Variants in CYTH1 observed in about 807,000 individuals in gnomAD.
The protein encoded by CYTH1 is cytohesin 1.
A neutral mutation model predicts 61.8 loss-of-function variants in CYTH1; 18 were observed. That is an observed-to-expected ratio of 0.29 (90% CI 0.20 to 0.43). CYTH1 has a LOEUF of 0.43. Among genes scored for constraint, CYTH1 ranks in the 20% least tolerant of loss-of-function variants. The pLI is 1.00. For synonymous variants in CYTH1, 174 were observed against 184.3 expected (o/e 0.94, Z 0.45); for missense variants, 336 against 510.5 (o/e 0.66, Z 3.29).
intron 1 of CYTH1, chr17:78,724,035 C>G (rs1598884340): frequency 6.6e-6 from 1 of 152,390 alleles, no homozygotes; most frequent in Middle Eastern, 3.4e-3. Flanking sequence ...TCAGTACACT[C>G]GCAGCCACCA....
intron 1 of CYTH1, among the ~76,000 whole-genome samples, chr17:78,773,953 A>C (rs986902211): frequency 1.3e-5 from 2 of 152,234 alleles, no homozygotes; most frequent in African/African-American, 4.8e-5. Flanking sequence ...GCCAGTTCAT[A>C]ATACACAAAT....
intron 1 of CYTH1, among the ~76,000 whole-genome samples, chr17:78,714,642 G>T (rs148802963): frequency 2.6e-5 from 4 of 152,164 alleles, no homozygotes; most frequent in African/African-American, 4.8e-5. Context: ...TGTAGACAGC[G>T]GACACCTAAG....
intron 1 of CYTH1, among the ~76,000 whole-genome samples, chr17:78,778,515 G>A (rs935635356): frequency 9.2e-5 from 14 of 151,354 alleles, no homozygotes; most frequent in African/African-American, 3.4e-4. Context: ...GCAGGTGCCT[G>A]TAATCCCAGC....
At chr17:78,760,931 G>T (rs2093426225) in intron 1 of CYTH1, among the ~76,000 whole-genome samples, 1 of 151,998 alleles carries the variant, frequency 6.6e-6, no homozygotes, top group African/African-American at 2.4e-5. Flanking sequence ...CACCTCCCGG[G>T]TTCAAGTGAT....
At chr17:78,692,560 C>G (rs2092899248) in intron 10 of CYTH1, 67 bp from the exon 11 acceptor site, 21 of 1,456,068 alleles carry the variant, frequency 1.4e-5, no homozygotes, top group South Asian at 3.4e-5. Context: ...CCACGACACA[C>G]ACGACACCCT....
chr17:78,698,728 A>C, intron 8 of CYTH1, 92 bp downstream of exon 8: 1 of 1,387,596 alleles, frequency 7.2e-7, no homozygotes, highest in Non-Finnish European at 9.6e-7. Context: ...CCCTTGATAA[A>C]TTGTATGTTT....
intron 1 of CYTH1, among the ~76,000 whole-genome samples, chr17:78,738,033 A>T (rs2093328152): frequency 6.6e-6 from 1 of 152,116 alleles, no homozygotes; most frequent in African/African-American, 2.4e-5. Context: ...ATATTGTAAG[A>T]CTTCTAAGTG....
chr17:78,735,454 A>G (rs1021604217), intron 1 of CYTH1, among the ~76,000 whole-genome samples: 10 of 152,172 alleles, frequency 6.6e-5, no homozygotes, highest in Admixed American at 6.5e-4. Context: ...GTGTGGACTC[A>G]CCTTTCAGTT....
At chr17:78,679,222 T>C (rs1393224989) in intron 13 of CYTH1, among the ~76,000 whole-genome samples, 4 of 152,218 alleles carry the variant, frequency 2.6e-5, no homozygotes, top group Non-Finnish European at 5.9e-5. Context: ...CAGTCACCTG[T>C]GGGCACATTC....
intron 13 of CYTH1, 57 bp downstream of exon 13, chr17:78,680,133 C>G (rs940707643): frequency 3.1e-6 from 5 of 1,598,998 alleles, no homozygotes; most frequent in Middle Eastern, 1.7e-4. Context: ...ATGATCAACA[C>G]CTGGTGAGGT....
intron 1 of CYTH1, among the ~76,000 whole-genome samples, chr17:78,749,526 G>A (rs2093371590): frequency 1.3e-5 from 2 of 152,076 alleles, no homozygotes; most frequent in South Asian, 4.2e-4. Context: ...AGCTACTCAG[G>A]AGATTGAGGT....
rs956439186 is a variant in CYTH1, at chr17:78,676,770, G to C, written c.1119-601C>G. On this transcript the variant is annotated intron_variant, in intron 13 of 13. Coordinates refer to ENST00000446868, the MANE Select transcript of CYTH1 (RefSeq NM_004762.6). ...GCACAGGGAGGGGGCCCGAGCTCAT[G>C]CTTGTGCTACAGCCTCAAAGACAGC... 21 of 350,054 alleles carry C rather than the reference G, an allele frequency of 6.0e-5. No individual in the cohort carries two copies. The Middle Eastern group carries it at 2.8e-3, about 47-fold the overall frequency. 21.7% of individuals were successfully genotyped at this position (350,054 alleles called of 1,614,324 possible). A position where few individuals can be genotyped will look rare whatever the true frequency, so the allele number is the denominator to read the frequency against.
intron 1 of CYTH1, among the ~76,000 whole-genome samples, chr17:78,727,339 T>G (rs879590361): frequency 3.9e-5 from 6 of 152,240 alleles, no homozygotes; most frequent in Non-Finnish European, 8.8e-5. Flanking sequence ...CTTTAAATTC[T>G]ATTCCACTCC....
chr17:78,772,751 T>A (rs147844775), intron 1 of CYTH1, among the ~76,000 whole-genome samples: 174 of 152,086 alleles, frequency 1.1e-3, no homozygotes, highest in Admixed American at 4.3e-3. Flanking sequence ...TTGGCCAGGA[T>A]GGTCTCGATC....
chr17:78,756,205 A>T (rs978824929), intron 1 of CYTH1, among the ~76,000 whole-genome samples: 1 of 151,270 alleles, frequency 6.6e-6, no homozygotes, highest in Non-Finnish European at 1.5e-5. Flanking sequence ...CCACTCTAGT[A>T]GCTGGGATTA....
chr17:78,755,320 T>C (rs1000313299), intron 1 of CYTH1, among the ~76,000 whole-genome samples: 20 of 151,980 alleles, frequency 1.3e-4, no homozygotes, highest in African/African-American at 4.4e-4. Flanking sequence ...TCTGTATTTT[T>C]AGCAGAGACA....
chr17:78,676,890 C>A, intron 13 of CYTH1: 1 of 419,264 alleles, frequency 2.4e-6, no homozygotes, highest in Admixed American at 2.6e-5. Context: ...AACTTATGGT[C>A]TAAAAGTCCT....
At chr17:78,702,979 GCTCA>G (rs2093028606) in intron 3 of CYTH1, among the ~76,000 whole-genome samples, 1 of 152,058 alleles carries the variant, frequency 6.6e-6, no homozygotes. Flanking sequence ...ATGCCACCAT[GCTCA>G]CTGTGTTGCC....
chr17:78,708,109 C>T (rs1219205169), intron 3 of CYTH1, 88 bp downstream of exon 3: 2 of 1,351,968 alleles, frequency 1.5e-6, no homozygotes, highest in Non-Finnish European at 2.1e-6. Flanking sequence ...TGACTTTTTC[C>T]TTCAATGTGC....
Sources: gnomAD v4.1 joint callset for allele counts (sites outside exome capture counted in the v4.1 genomes callset) on GRCh38, gnomAD v4.1.1 for gene constraint, MANE v1.5 for transcripts, NCBI Gene and HGNC (gene_info 2026-07-23, HGNC 2026-07-21) for gene names.